AKAP17A: variants seen among roughly 807,000 people sequenced by gnomAD.
AKAP17A encodes A-kinase anchoring protein 17A, also known as A-kinase anchor protein 17A.
In AKAP17A, 15 loss-of-function variants were observed where a neutral mutation model predicts 52.2. The ratio of observed to expected loss-of-function variants is 0.29; its 90% CI spans 0.19 to 0.44. AKAP17A has a LOEUF of 0.44. Ranked by LOEUF, AKAP17A falls within the 20% of genes least tolerant of loss-of-function variation. AKAP17A has a pLI of 1.00. For missense variants in AKAP17A, 1,060 were observed against 1,007.0 expected, an observed-to-expected ratio of 1.05 and a Z score of -0.71; for synonymous variants, 514 against 424.7, an observed-to-expected ratio of 1.21 and a Z score of -2.58.
chrX:1,595,530 A>T lies in AKAP17A; in HGVS notation c.909A>T (p.Glu303Asp). The change falls in exon 3 of 5, where the codon GAA becomes GAT. Residue 303 changes from glutamate (E) to aspartate (D), a missense_variant and splice_region_variant. Around this residue, in one of 2 missense-constraint regions of AKAP17A, gnomAD observed 793 missense variants for 629.9 expected, o/e 1.26. Coordinates refer to ENST00000313871, the MANE Select transcript of AKAP17A (RefSeq NM_005088.3). ...CGGAGGAGAGGCAGCGAGCGGAGGA[A>T]AGGTACCTTCTGCGGGAGCGGGCCC... ...KEAEERQRAE[E>D]RKQKELEELE... is the part of the protein sequence containing the mutation. The T allele has an allele frequency of 1.9e-6, 3 of 1,613,708 alleles. No homozygotes were observed. Among genetic ancestry groups the T allele is most frequent in the Non-Finnish European group, 2.5e-6 (3 of 1,179,840 alleles).
Position 1,600,469 on chromosome X carries a change from A to G in AKAP17A, c.1153-190A>G, listed in dbSNP as rs757975566. The stretch of plus-strand genomic sequence containing the variant: ...TGATGGCCCCAGGTGTGGCCGCGGG[A>G]GCCGAGGGATGGACGGGCTGGACCT... On this transcript the variant is annotated intron_variant, in intron 4 of 4. Coordinates refer to ENST00000313871, the MANE Select transcript of AKAP17A (RefSeq NM_005088.3). Among the ~76,000 whole-genome samples the G allele has an allele frequency of 5.3e-5, 8 of 152,102 alleles. No homozygotes were observed. In the East Asian group the frequency reaches 1.4e-3, roughly 26 times the overall value.
At chrX:1,592,225 C>G (rs1396786359) in intron 1 of AKAP17A, among the ~76,000 whole-genome samples, 1 of 151,430 alleles carries the variant, frequency 6.6e-6, no homozygotes, top group Non-Finnish European at 1.5e-5. Context: ...GGTATTGGGG[C>G]TCATCCAGGA....
chrX:1,598,127 G>C (rs1933113825), intron 3 of AKAP17A, among the ~76,000 whole-genome samples: 1 of 152,202 alleles, frequency 6.6e-6, no homozygotes, highest in African/African-American at 2.4e-5. Flanking sequence ...GCGTCGCTGT[G>C]GGTCCCGCCT....
At chrX:1,598,121 C>T (rs1354978112) in intron 3 of AKAP17A, among the ~76,000 whole-genome samples, 41 of 152,334 alleles carry the variant, frequency 2.7e-4, no homozygotes, top group African/African-American at 4.3e-4. Flanking sequence ...CTCGAGGCGT[C>T]GCTGTGGGTC....
chrX:1,599,727 G>C (rs1376267040), intron 4 of AKAP17A: 9 of 622,976 alleles, frequency 1.4e-5, no homozygotes, highest in Non-Finnish European at 2.0e-5. Context: ...GTTTCCTTTG[G>C]GTCGGGGCAG....
chrX:1,597,237 G>T (rs1191804358), intron 3 of AKAP17A, among the ~76,000 whole-genome samples: 7 of 152,204 alleles, frequency 4.6e-5, no homozygotes, highest in Non-Finnish European at 8.8e-5. Context: ...AGCCCCCGTT[G>T]CCTCCCCAGG....
intron 3 of AKAP17A, among the ~76,000 whole-genome samples, chrX:1,597,470 C>T (rs1278847570): frequency 4.1e-4 from 62 of 152,056 alleles, no homozygotes; most frequent in Non-Finnish European, 6.5e-4. Context: ...AGGGGCGGTT[C>T]GGATGTGGGG....
At chrX:1,600,303 T>G (rs1452925777) in intron 4 of AKAP17A, 47 of 907,748 alleles carry the variant, frequency 5.2e-5, no homozygotes, top group Non-Finnish European at 7.5e-5. Context: ...TCCCTGTTGC[T>G]GGCGGCCGCT....
chrX:1,593,049 C>T (rs1413332170), intron 1 of AKAP17A, among the ~76,000 whole-genome samples: 1 of 152,106 alleles, frequency 6.6e-6, no homozygotes, highest in East Asian at 1.9e-4. Context: ...CCCAGTGTCT[C>T]TCTGCCCCTT....
chrX:1,596,448 C>CCTCCAT (rs781215202), intron 3 of AKAP17A, among the ~76,000 whole-genome samples: 19 of 108,656 alleles, frequency 1.7e-4, no homozygotes, highest in African/African-American at 6.7e-4. Flanking sequence ...TCCTCCTCCT[C>CCTCCAT]CATCCCTCCC....
At position 1,594,048 on chromosome X, in the gene AKAP17A, C is replaced by A; in HGVS notation, c.586C>A (p.Arg196=). 2 of 1,612,458 alleles carry A rather than the reference C, an allele frequency of 1.2e-6. No homozygotes were observed. The highest frequency in any genetic ancestry group is 1.7e-6 in the Non-Finnish European group (2 of 1,179,178). ...GGACATCCCCATGCTGGACCCCTAC[C>A]GGGAGGAGATGACGGGCCGCAACTT... ...NVDIPMLDPY[R]EEMTGRNFHT... Residue 196 remains arginine, a synonymous_variant, in exon 2 of 5, where the codon CGG becomes AGG. Coordinates refer to ENST00000313871, the MANE Select transcript of AKAP17A (RefSeq NM_005088.3).
At chrX:1,598,726 G>A (rs368735987) in intron 3 of AKAP17A, among the ~76,000 whole-genome samples, 46 of 152,262 alleles carry the variant, frequency 3.0e-4, no homozygotes, top group Admixed American at 1.8e-3. Context: ...AGGTCCCCCC[G>A]TGCCAGTGCT....
intron 3 of AKAP17A, among the ~76,000 whole-genome samples, chrX:1,598,108 A>G (rs1386903786): frequency 2.0e-5 from 3 of 152,292 alleles, no homozygotes; most frequent in Admixed American, 1.3e-4. Context: ...AAAGCTGCCC[A>G]GCCTCGAGGC....
chrX:1,593,271 A>G (rs1932870363), intron 1 of AKAP17A, among the ~76,000 whole-genome samples, 173 bp from the exon 2 acceptor site: 1 of 152,184 alleles, frequency 6.6e-6, no homozygotes, highest in African/African-American at 2.4e-5. Context: ...TTCAAAAAGT[A>G]AAGAACTCCG....
At position 1,601,865 on chromosome X, in the gene AKAP17A, C is replaced by T. The variant is rs112971101; in HGVS notation, c.*271C>T. 0.011 allele frequency: 4,229 copies of T among 386,124 alleles called. 37 individuals are homozygous for T. Among genetic ancestry groups the T allele is most frequent in the Middle Eastern group, 0.017 (26 of 1,534 alleles). 23.9% of individuals were successfully genotyped at this position (386,124 alleles called of 1,614,324 possible). A position where few individuals can be genotyped will look rare whatever the true frequency, so the allele number is the denominator to read the frequency against. ...AGCTTTAATGCGGCCGGTCCTCTCT[C>T]AGTCAGGAAAATTGCACAGACCGAC... On this transcript the variant is annotated 3_prime_UTR_variant, in exon 5 of 5. Coordinates refer to ENST00000313871, the MANE Select transcript of AKAP17A (RefSeq NM_005088.3).
At chrX:1,600,273 G>A (rs1257544343) in intron 4 of AKAP17A, 53 of 1,096,266 alleles carry the variant, frequency 4.8e-5, no homozygotes, top group Non-Finnish European at 5.4e-5. Flanking sequence ...GGTGGCATGC[G>A]TCTGCGGCGT....
intron 4 of AKAP17A, chrX:1,599,749 G>A (rs1194322971): frequency 1.6e-6 from 1 of 616,278 alleles, no homozygotes; most frequent in Non-Finnish European, 2.9e-6. Flanking sequence ...GGCAGAGAGT[G>A]CAGGGGGCCG....
chrX:1,594,278 TC>T, intron 2 of AKAP17A, 54 bp downstream of exon 2: 1 of 1,492,128 alleles, frequency 6.7e-7, no homozygotes, highest in South Asian at 1.4e-5. Context: ...GCGACTTCCT[TC>T]CAGCAGGGTC....
chrX:1,597,871 AG>A, intron 3 of AKAP17A, among the ~76,000 whole-genome samples: 1 of 151,998 alleles, frequency 6.6e-6, no homozygotes, highest in South Asian at 2.1e-4. Context: ...TGGGGTGTCC[AG>A]AGCCCCGGGG....
Sources: gnomAD v4.1 joint callset for allele counts (sites outside exome capture counted in the v4.1 genomes callset) on GRCh38, gnomAD v4.1.1 for gene constraint, gnomAD v4.1.1 regional missense constraint, MANE v1.5 for transcripts, NCBI Gene and HGNC (gene_info 2026-07-23, HGNC 2026-07-21) for gene names.